The following PRKCB variants were observed in gnomAD, a reference collection of about 807,000 sequenced individuals.
The protein encoded by PRKCB is protein kinase C beta, also known as protein kinase C beta type.
In PRKCB, 13 loss-of-function variants were observed where a neutral mutation model predicts 81.5. The observed-to-expected ratio is 0.16, with a 90% CI of 0.10 to 0.25. PRKCB has a LOEUF of 0.25. Ranked by LOEUF, PRKCB falls within the 10% of genes least tolerant of loss-of-function variation. The pLI, the probability that PRKCB is intolerant of heterozygous loss-of-function variation, is 1.00. For missense variants in PRKCB, 509 were observed against 875.7 expected, an observed-to-expected ratio of 0.58 and a Z score of 5.29; for synonymous variants, 335 against 321.4, an observed-to-expected ratio of 1.04 and a Z score of -0.45.
chr16:24,200,152 C>T (rs992698951), intron 16 of PRKCB, among the ~76,000 whole-genome samples: 3 of 152,170 alleles, frequency 2.0e-5, no homozygotes, highest in Non-Finnish European at 4.4e-5. Context: ...CATTGACTAA[C>T]CTCTGAAAGA....
chr16:24,027,426 G>A lies in PRKCB; in HGVS notation c.289-4710G>A, dbSNP rs913631198. Among the ~76,000 whole-genome samples, 5 of 152,172 alleles carry A rather than the reference G, an allele frequency of 3.3e-5. No homozygotes were observed. In the East Asian group the frequency reaches 7.7e-4, roughly 23 times the overall value. On this transcript the variant is annotated intron_variant, in intron 3 of 16. Coordinates refer to ENST00000643927, the MANE Select transcript of PRKCB (RefSeq NM_002738.7). ...CGGAGATAGAGACATGGCTGGTTAA[G>A]CTGCCAAAAGGGATCCCTTAGTTTT...
At chr16:23,894,910 A>C (rs1597232974) in intron 2 of PRKCB, among the ~76,000 whole-genome samples, 2 of 151,674 alleles carry the variant, frequency 1.3e-5, no homozygotes, top group Non-Finnish European at 2.9e-5. Flanking sequence ...AGTTTTTGCT[A>C]TTTTCATCAA....
chr16:23,970,985 C>T (rs1036276330), intron 2 of PRKCB, among the ~76,000 whole-genome samples: 3 of 152,072 alleles, frequency 2.0e-5, no homozygotes, highest in Admixed American at 6.5e-5. Context: ...ATTTTCTGGG[C>T]CTCTGGCTTA....
chr16:23,859,729 C>G (rs916156057), intron 2 of PRKCB, among the ~76,000 whole-genome samples: 2 of 151,908 alleles, frequency 1.3e-5, no homozygotes, highest in Non-Finnish European at 2.9e-5. Flanking sequence ...GTTGAAGTAC[C>G]CGGGGATGTT....
chr16:23,899,450 A>G (rs570135110), intron 2 of PRKCB, among the ~76,000 whole-genome samples: 219 of 152,344 alleles, frequency 1.4e-3, no homozygotes, highest in Non-Finnish European at 2.5e-3. Flanking sequence ...TTCTCTGTTA[A>G]AAATGTCAAA....
At chr16:23,988,778 T>A (rs79839588) in intron 3 of PRKCB, among the ~76,000 whole-genome samples, 188 bp downstream of exon 3, 1 of 152,102 alleles carries the variant, frequency 6.6e-6, no homozygotes, top group Non-Finnish European at 1.5e-5. Context: ...TGTGGCTGGA[T>A]AGGAAGTCAG....
chr16:24,129,928 A>G (rs1332051581), intron 9 of PRKCB, among the ~76,000 whole-genome samples: 1 of 152,232 alleles, frequency 6.6e-6, no homozygotes, highest in Non-Finnish European at 1.5e-5. Flanking sequence ...AAATGATTGC[A>G]TAATGAACAT....
chr16:24,115,998 A>G (rs922703789), intron 8 of PRKCB, among the ~76,000 whole-genome samples: 1 of 151,850 alleles, frequency 6.6e-6, no homozygotes, highest in African/African-American at 2.4e-5. Context: ...TGCTGGGATT[A>G]CAGGCGTGAT....
rs148667375 is a variant in PRKCB at position 24,196,120 on chromosome 16, T to A, written c.1863+4890T>A. 3.9e-5 allele frequency among the ~76,000 whole-genome samples: 6 copies of A among 152,310 alleles called. No individual in the cohort carries two copies. In the East Asian group the frequency reaches 1.2e-3, roughly 29 times the overall value. On this transcript the variant is annotated intron_variant, in intron 16 of 16. Transcript: ENST00000643927. ...TCACAGGCTGTAATAACATGTTCAA[T>A]CTCATGCCTGTCTTTTTGACTACTT...
At position 23,865,941 on chromosome 16, in the gene PRKCB, C is replaced by T. The variant is rs200833928; in HGVS notation, c.205+28535C>T. Among the ~76,000 whole-genome samples the T allele has an allele frequency of 2.0e-5, 3 of 152,188 alleles. No homozygotes were observed. The East Asian group carries it at 5.8e-4, about 29-fold the overall frequency. Reference sequence around the variant, plus strand: ...ATCCTCCTCTTCTGGAGTTCAGAACCCCTTCCTGGTCAAATTGCCCCCGGG... The same window carrying T: ...ATCCTCCTCTTCTGGAGTTCAGAACTCCTTCCTGGTCAAATTGCCCCCGGG... On this transcript the variant is annotated intron_variant, in intron 2 of 16. Coordinates refer to ENST00000643927, the MANE Select transcript of PRKCB (RefSeq NM_002738.7).
chr16:23,930,716 T>C (rs1407350567), intron 2 of PRKCB, among the ~76,000 whole-genome samples: 1 of 152,142 alleles, frequency 6.6e-6, no homozygotes, highest in African/African-American at 2.4e-5. Context: ...AACAAAAACA[T>C]TTAGTACTTA....
chr16:24,032,076 G>C, intron 3 of PRKCB, 60 bp from the exon 4 acceptor site: 1 of 1,237,674 alleles, frequency 8.1e-7, no homozygotes, highest in South Asian at 1.2e-5. Context: ...CTCGATGTAG[G>C]ATGAACCGTT....
In PRKCB at chr16:24,172,431, T is replaced by C. The variant is rs1018681591; in HGVS notation, c.1331+70T>C. On this transcript the variant is annotated intron_variant, in intron 11 of 16. Transcript: ENST00000643927. The stretch of plus-strand genomic sequence containing the variant: ...TAGGTTAGTGGTTCCTTTGAGGGTG[T>C]TTTTTTGCCAAAGAGGGATCTTTAA... 2.1e-5 allele frequency: 28 copies of C among 1,363,942 alleles called. No homozygotes were observed. In the Admixed American group the frequency reaches 5.3e-4, roughly 26 times the overall value. The allele number at this position is 1,363,942 out of a possible 1,614,324, so 84.5% of individuals were successfully genotyped here.
chr16:24,073,452 C>T (rs1256638934), intron 5 of PRKCB, among the ~76,000 whole-genome samples: 1 of 152,160 alleles, frequency 6.6e-6, no homozygotes, highest in Non-Finnish European at 1.5e-5. Flanking sequence ...CCGCCTCAGC[C>T]CCTTGAGTTA....
intron 2 of PRKCB, among the ~76,000 whole-genome samples, chr16:23,958,188 C>A (rs1015965413): frequency 1.3e-5 from 2 of 152,014 alleles, no homozygotes; most frequent in African/African-American, 4.8e-5. Flanking sequence ...GACAGGGTTT[C>A]GCCATGTTGG....
intron 2 of PRKCB, among the ~76,000 whole-genome samples, chr16:23,964,651 C>T (rs904470993): frequency 6.6e-6 from 1 of 151,172 alleles, no homozygotes; most frequent in Admixed American, 6.6e-5. Flanking sequence ...ACTGTCACTT[C>T]CAGGGGGCAA....
intron 2 of PRKCB, among the ~76,000 whole-genome samples, chr16:23,882,050 C>CTTCCTTCCTTCCTTCCTTCCTTCCTTCA: frequency 1.2e-5 from 1 of 86,724 alleles, no homozygotes; most frequent in African/African-American, 3.9e-5. Flanking sequence ...TCCTTCCTTC[C>CTTCCTTCCTTCCTTCCTTCCTTCCTTCA]TTCCTTCTTC....
rs35642171 is a variant in PRKCB at position 24,048,494 on chromosome 16, CTT to C, written c.529+12960_529+12961del. On this transcript the variant is annotated intron_variant, in intron 5 of 16. Coordinates refer to ENST00000643927, the MANE Select transcript of PRKCB (RefSeq NM_002738.7). ...TTTACTTCTTTCTTTTCTTTTCTTTCTTTTTTTTTTTTTTATAACAGAGTCTC... is the reference window on the plus strand; with the variant it reads ...TTTACTTCTTTCTTTTCTTTTCTTTCTTTTTTTTTTTTATAACAGAGTCTC... 7.4e-3 allele frequency among the ~76,000 whole-genome samples: 1,067 copies of C among 144,936 alleles called. 9 individuals carry two copies. Among genetic ancestry groups the C allele is most frequent in the African/African-American group, 0.025 (971 of 39,540 alleles).
chr16:24,021,307 C>CTCTTTCTTTCTTTCT (rs1397777370), intron 3 of PRKCB, among the ~76,000 whole-genome samples: 1,529 of 25,066 alleles, frequency 0.061, 274 homozygotes, highest in South Asian at 0.081. Flanking sequence ...TCCTTCCTTC[C>CTCTTTCTTTCTTTCT]TTCCTTCCTT....
Sources: allele counts gnomAD v4.1 joint callset (sites outside exome capture counted in the v4.1 genomes callset), GRCh38; gene constraint gnomAD v4.1.1; transcripts MANE v1.5; gene names NCBI Gene and HGNC (gene_info 2026-07-23, HGNC 2026-07-21).